Variants in MGAT4C observed in about 807,000 individuals in gnomAD.
The protein encoded by MGAT4C is MGAT4 family member C, also known as alpha-1,3-mannosyl-glycoprotein 4-beta-N-acetylglucosaminyltransferase C.
A neutral mutation model predicts 40.1 loss-of-function variants in MGAT4C; 19 were observed. That is an observed-to-expected ratio of 0.47 (90% CI 0.33 to 0.70). The LOEUF (loss-of-function observed/expected upper bound fraction) is 0.70. MGAT4C is among the 30% of genes least tolerant of loss of function. The probability of loss-of-function intolerance (pLI) is 0.02; values close to 1 mark genes in which losing one functional copy is unlikely to be tolerated. For missense variants in MGAT4C, 491 were observed against 563.2 expected, an observed-to-expected ratio of 0.87 and a Z score of 1.30; for synonymous variants, 181 against 187.1, an observed-to-expected ratio of 0.97 and a Z score of 0.27.
rs35554171 is a variant in MGAT4C, at chr12:85,967,420, C to G, written c.*11869G>C. 1.3e-5 allele frequency: 2 copies of G among 151,950 alleles called. No individual in the cohort carries two copies. The highest frequency in any genetic ancestry group is 4.8e-5 in the African/African-American group (2 of 41,416). The allele number at this position is 151,950 out of a possible 1,614,324, so 9.4% of individuals were successfully genotyped here. A position where few individuals can be genotyped will look rare whatever the true frequency, so the allele number is the denominator to read the frequency against. On this transcript the variant is annotated 3_prime_UTR_variant, in exon 5 of 5. Transcript: ENST00000611864. ...ACATTACGTTTTAAAATACATAAAA[C>G]CCATAAATTCAAGCTTATTAGTTTT...
At chr12:86,626,908 G>T (rs1962824580) in intron 2 of MGAT4C, among the ~76,000 whole-genome samples, 2 of 152,208 alleles carry the variant, frequency 1.3e-5, no homozygotes, top group African/African-American at 4.8e-5. Flanking sequence ...GCCAAAGCAG[G>T]GTGGGTCATC....
chr12:86,128,384 AG>A lies in MGAT4C; in HGVS notation c.-56-78662del, dbSNP rs143232249. 5.2e-3 allele frequency among the ~76,000 whole-genome samples: 790 copies of A among 152,296 alleles called. 8 individuals carry two copies. The highest frequency in any genetic ancestry group is 0.018 in the African/African-American group (753 of 41,572). ...GTTTTCCCCATACCGTTCTCATGGT[AG>A]TGAATAAATCACACGAGATCTGATG... is the stretch of plus-strand genomic sequence containing the variant. On this transcript the variant is annotated intron_variant, in intron 1 of 4. Coordinates refer to ENST00000611864, the MANE Select transcript of MGAT4C (RefSeq NM_001351288.2).
At chr12:86,786,273 T>C (rs975747219) in intron 1 of MGAT4C, among the ~76,000 whole-genome samples, 10 of 152,202 alleles carry the variant, frequency 6.6e-5, no homozygotes, top group Non-Finnish European at 1.5e-4. Context: ...TATCTGTAGG[T>C]TTCTAACAAA....
intron 2 of MGAT4C, chr12:86,028,337 A>G (rs1354225845): frequency 2.7e-6 from 1 of 372,324 alleles, no homozygotes; most frequent in Non-Finnish European, 5.0e-6. Context: ...GCTCCTCATC[A>G]TGGCAGGGCA....
intron 3 of MGAT4C, among the ~76,000 whole-genome samples, chr12:86,375,776 G>A (rs1955812043): frequency 6.6e-6 from 1 of 151,948 alleles, no homozygotes; most frequent in Admixed American, 6.6e-5. Flanking sequence ...TTAACAATGA[G>A]AACACTAACA....
chr12:86,817,821 A>G (rs1482728492), intron 1 of MGAT4C, among the ~76,000 whole-genome samples: 1 of 151,462 alleles, frequency 6.6e-6, no homozygotes, highest in Non-Finnish European at 1.5e-5. Context: ...GAGAGAGGAA[A>G]TATGTCTTAA....
rs545630938 is a variant in MGAT4C at position 86,398,073 on chromosome 12, C to T, written c.-120+37084G>A. ...GTTGGGAACAACAACAAACAGTATT[C>T]GGTGTGTATTAGTTTCCTGATGCCA... On this transcript the variant is annotated intron_variant, in intron 3 of 7. Transcript: ENST00000548651. 5.9e-5 allele frequency among the ~76,000 whole-genome samples: 9 copies of T among 152,130 alleles called. 1 individual carries two copies. The highest frequency in any genetic ancestry group is 3.8e-4 in the East Asian group (2 of 5,196).
chr12:86,031,761 T>G (rs1021393241), intron 2 of MGAT4C, among the ~76,000 whole-genome samples: 1 of 151,914 alleles, frequency 6.6e-6, no homozygotes, highest in Non-Finnish European at 1.5e-5. Flanking sequence ...ATTTATATAT[T>G]TACTTGTTAA....
intron 2 of MGAT4C, among the ~76,000 whole-genome samples, chr12:86,673,741 A>G (rs1289272552): frequency 2.0e-5 from 3 of 152,156 alleles, no homozygotes; most frequent in Admixed American, 2.0e-4. Flanking sequence ...CTTATTTCAA[A>G]ATACACAAGT....
rs536742695 is a variant in MGAT4C at position 86,345,381 on chromosome 12, C to T, written c.-119-11254G>A. ...TGTTGGTGTGCTGTACCCATTAACTCGTCATTTAGCATTAGGTACATCTCC... is the reference window on the plus strand; with the variant it reads ...TGTTGGTGTGCTGTACCCATTAACTTGTCATTTAGCATTAGGTACATCTCC... On this transcript the variant is annotated intron_variant, in intron 3 of 7. Transcript: ENST00000548651. Among the ~76,000 whole-genome samples the T allele has an allele frequency of 2.3e-3, 356 of 151,986 alleles. 1 individual carries two copies. The highest frequency in any genetic ancestry group is 7.9e-3 in the African/African-American group (326 of 41,420).
At chr12:86,763,742 T>C (rs901264186) in intron 1 of MGAT4C, among the ~76,000 whole-genome samples, 1 of 152,122 alleles carries the variant, frequency 6.6e-6, no homozygotes, top group African/African-American at 2.4e-5. Context: ...GTGTTGTATA[T>C]GGTATAACTG....
At chr12:86,500,254 C>T (rs1031488785) in intron 2 of MGAT4C, among the ~76,000 whole-genome samples, 17 of 151,392 alleles carry the variant, frequency 1.1e-4, no homozygotes, top group African/African-American at 3.9e-4. Flanking sequence ...ACACACACAG[C>T]AAATTAGATC....
intron 1 of MGAT4C, among the ~76,000 whole-genome samples, chr12:86,762,054 C>CT (rs762352642): frequency 1.9e-3 from 277 of 143,236 alleles, no homozygotes; most frequent in Middle Eastern, 7.3e-3. Flanking sequence ...ATAGGCTGCA[C>CT]TTTTTTTTTT....
intron 2 of MGAT4C, among the ~76,000 whole-genome samples, chr12:86,517,807 G>A (rs563627784): frequency 1.3e-5 from 2 of 152,134 alleles, no homozygotes; most frequent in East Asian, 1.9e-4. Context: ...CACCACGCCC[G>A]GCTAATTTTG....
chr12:86,828,036 T>G (rs993590628), intron 1 of MGAT4C, among the ~76,000 whole-genome samples: 2 of 151,154 alleles, frequency 1.3e-5, no homozygotes, highest in Non-Finnish European at 3.0e-5. Flanking sequence ...AGATAAAAAC[T>G]TAGAAAACTA....
At chr12:86,620,602 G>T (rs1962605661) in intron 2 of MGAT4C, among the ~76,000 whole-genome samples, 1 of 151,966 alleles carries the variant, frequency 6.6e-6, no homozygotes, top group South Asian at 2.1e-4. Flanking sequence ...TTACCTATTG[G>T]GTACAATATT....
At chr12:86,014,978 CTTT>C (rs113674418) in intron 2 of MGAT4C, among the ~76,000 whole-genome samples, 6 of 134,560 alleles carry the variant, frequency 4.5e-5, no homozygotes, top group East Asian at 2.1e-4. Flanking sequence ...TTCTTTCTTT[CTTT>C]TTTTTTTTTT....
intron 2 of MGAT4C, among the ~76,000 whole-genome samples, chr12:86,690,488 G>A (rs1030173328): frequency 6.6e-6 from 1 of 152,156 alleles, no homozygotes; most frequent in Non-Finnish European, 1.5e-5. Context: ...CGAAAACCAT[G>A]GGAAAAGCAT....
At chr12:86,179,306 C>A (rs372692860) in intron 1 of MGAT4C, among the ~76,000 whole-genome samples, 7 of 152,312 alleles carry the variant, frequency 4.6e-5, no homozygotes, top group Non-Finnish European at 7.3e-5. Flanking sequence ...TCCAATTAAA[C>A]TTCTTTTGGT....
Sources: allele counts gnomAD v4.1 joint callset (sites outside exome capture counted in the v4.1 genomes callset), GRCh38; gene constraint gnomAD v4.1.1; transcripts MANE v1.5; gene names NCBI Gene and HGNC (gene_info 2026-07-23, HGNC 2026-07-21).